The following TNS3 variants were observed in gnomAD, a reference collection of about 807,000 sequenced individuals.
The protein encoded by TNS3 is tensin-3.
TNS3 carries 45 observed loss-of-function variants against 140.9 expected under a neutral mutation model. The ratio of observed to expected loss-of-function variants is 0.32; its 90% CI spans 0.25 to 0.41. TNS3 has a LOEUF of 0.41. Ranked by LOEUF, TNS3 falls within the 10% of genes least tolerant of loss-of-function variation. The pLI, the probability that TNS3 is intolerant of heterozygous loss-of-function variation, is 1.00. For missense variants in TNS3, 1,716 were observed against 1,906.7 expected, an observed-to-expected ratio of 0.90 and a Z score of 1.86; for synonymous variants, 815 against 788.4, an observed-to-expected ratio of 1.03 and a Z score of -0.56.
rs534336333 is a variant in TNS3, at chr7:47,368,214, G to A, written c.2281+151C>T. 15 of 846,302 alleles carry A rather than the reference G, an allele frequency of 1.8e-5. No homozygotes were observed. The African/African-American group carries it at 2.4e-4, about 14-fold the overall frequency. The allele number at this position is 846,302 out of a possible 1,614,324, so 52.4% of individuals were successfully genotyped here. A position where few individuals can be genotyped will look rare whatever the true frequency, so the allele number is the denominator to read the frequency against. Reference sequence around the variant, plus strand: ...CCAGCATGACAGCATTTGGATCCTAGGCCAAAATTCACAAGAGTTGAAACT... The same window carrying A: ...CCAGCATGACAGCATTTGGATCCTAAGCCAAAATTCACAAGAGTTGAAACT... On this transcript the variant is annotated intron_variant, in intron 17 of 30. Transcript: ENST00000311160.
intron 16 of TNS3, among the ~76,000 whole-genome samples, chr7:47,373,484 G>A (rs1791199494): frequency 6.6e-6 from 1 of 152,142 alleles, no homozygotes; most frequent in Non-Finnish European, 1.5e-5. Context: ...CGCTCCCTGG[G>A]CTCATCTCTT....
intron 1 of TNS3, among the ~76,000 whole-genome samples, chr7:47,549,810 G>T (rs1406603737): frequency 1.3e-5 from 2 of 152,202 alleles, no homozygotes; most frequent in Non-Finnish European, 2.9e-5. Flanking sequence ...CTAAGGATTT[G>T]CTGAATGAAT....
chr7:47,302,288 T>G lies in TNS3; in HGVS notation c.3458-16A>C. The G allele has an allele frequency of 1.2e-6, 2 of 1,605,992 alleles. No individual in the cohort carries two copies. The highest frequency in any genetic ancestry group is 2.2e-5 in the East Asian group (1 of 44,858). On this transcript the variant is annotated splice_polypyrimidine_tract_variant and intron_variant, in intron 22 of 30. Coordinates refer to ENST00000311160, the MANE Select transcript of TNS3 (RefSeq NM_022748.12). Reference sequence around the variant, plus strand: ...CCTGGACTATCTGTAAAGCAAAATTTAAAAACAGTGACCATGATGGGCACT... The same window carrying G: ...CCTGGACTATCTGTAAAGCAAAATTGAAAAACAGTGACCATGATGGGCACT...
At chr7:47,374,957 T>C (rs1001619178) in intron 16 of TNS3, among the ~76,000 whole-genome samples, 1 of 152,192 alleles carries the variant, frequency 6.6e-6, no homozygotes, top group Non-Finnish European at 1.5e-5. Context: ...GCACCTGATG[T>C]GCTATTAGGG....
chr7:47,282,801 C>T (rs1393482800), intron 28 of TNS3, among the ~76,000 whole-genome samples: 1 of 152,152 alleles, frequency 6.6e-6, no homozygotes, highest in Non-Finnish European at 1.5e-5. Context: ...TGAGCTAAAC[C>T]TGCCTAAACT....
chr7:47,295,078 A>T (rs1584333681), intron 24 of TNS3, among the ~76,000 whole-genome samples: 1 of 152,270 alleles, frequency 6.6e-6, no homozygotes, highest in East Asian at 1.9e-4. Flanking sequence ...TCTGAATGTC[A>T]AATCCAGGGA....
chr7:47,393,456 G>A (rs1218516993), intron 16 of TNS3, among the ~76,000 whole-genome samples: 1 of 152,160 alleles, frequency 6.6e-6, no homozygotes, highest in Non-Finnish European at 1.5e-5. Flanking sequence ...TGGTTCAAGG[G>A]AAGGTTGCTG....
At chr7:47,320,196 T>G (rs1787650780) in intron 20 of TNS3, among the ~76,000 whole-genome samples, 1 of 152,188 alleles carries the variant, frequency 6.6e-6, no homozygotes. Flanking sequence ...CTTAAAGGTG[T>G]GCACTCTCGT....
chr7:47,380,783 C>A (rs940932931), intron 16 of TNS3, among the ~76,000 whole-genome samples: 3 of 152,082 alleles, frequency 2.0e-5, no homozygotes, highest in Non-Finnish European at 4.4e-5. Context: ...CACACACACA[C>A]ACACAAATGC....
At chr7:47,480,836 G>A (rs1405647953) in intron 4 of TNS3, among the ~76,000 whole-genome samples, 1 of 152,204 alleles carries the variant, frequency 6.6e-6, no homozygotes, top group East Asian at 1.9e-4. Flanking sequence ...GGCCCAGGGA[G>A]ATTCGCCCCG....
At chr7:47,558,524 G>A (rs1243526062) in intron 1 of TNS3, among the ~76,000 whole-genome samples, 2 of 152,112 alleles carry the variant, frequency 1.3e-5, no homozygotes, top group Non-Finnish European at 2.9e-5. Flanking sequence ...CACACCTGCA[G>A]GGACCAAGAA....
chr7:47,307,552 C>A (rs1786831218), intron 20 of TNS3, among the ~76,000 whole-genome samples: 1 of 152,230 alleles, frequency 6.6e-6, no homozygotes, highest in African/African-American at 2.4e-5. Flanking sequence ...TGCAAAGCTG[C>A]TTCCCAGAAT....
At chr7:47,501,553 G>T (rs1798228330) in intron 3 of TNS3, among the ~76,000 whole-genome samples, 1 of 152,144 alleles carries the variant, frequency 6.6e-6, no homozygotes. Context: ...CCCTAGACAG[G>T]GTAAGGTCTG....
chr7:47,480,200 T>G (rs1214412255), intron 4 of TNS3, among the ~76,000 whole-genome samples: 3 of 152,210 alleles, frequency 2.0e-5, no homozygotes, highest in African/African-American at 7.2e-5. Flanking sequence ...ACACCCCAGA[T>G]TCTGTGTATG....
intron 20 of TNS3, among the ~76,000 whole-genome samples, chr7:47,339,956 C>CATATATATAT (rs35991026): frequency 2.0e-4 from 27 of 136,506 alleles, no homozygotes; most frequent in East Asian, 4.2e-4. Context: ...TTATAAGTGG[C>CATATATATAT]ATATATATAT....
intron 27 of TNS3, among the ~76,000 whole-genome samples, chr7:47,285,623 T>A (rs1785376501): frequency 6.6e-6 from 1 of 152,204 alleles, no homozygotes; most frequent in South Asian, 2.1e-4. Flanking sequence ...TATGGCTGTA[T>A]TAGCATCATG....
chr7:47,519,266 C>T (rs186280051), intron 2 of TNS3, among the ~76,000 whole-genome samples: 48 of 138,752 alleles, frequency 3.5e-4, no homozygotes, highest in Admixed American at 6.6e-4. Context: ...CCCCCCAACA[C>T]AAGGCACGGG....
intron 3 of TNS3, among the ~76,000 whole-genome samples, chr7:47,487,106 C>T (rs1797639807): frequency 6.6e-6 from 1 of 152,096 alleles, no homozygotes; most frequent in African/African-American, 2.4e-5. Flanking sequence ...CGAGACCAAC[C>T]TGGTCAACAT....
chr7:47,544,463 A>G (rs1424279847), intron 1 of TNS3, among the ~76,000 whole-genome samples: 1 of 152,068 alleles, frequency 6.6e-6, no homozygotes, highest in African/African-American at 2.4e-5. Context: ...TCATGAGGGG[A>G]GACTCTGCAT....
Sources: gnomAD v4.1 joint callset for allele counts (sites outside exome capture counted in the v4.1 genomes callset) on GRCh38, gnomAD v4.1.1 for gene constraint, MANE v1.5 for transcripts, NCBI Gene and HGNC (gene_info 2026-07-23, HGNC 2026-07-21) for gene names.